TNRC18: variants seen among roughly 807,000 people sequenced by gnomAD.
The protein encoded by TNRC18 is trinucleotide repeat containing 18, also known as trinucleotide repeat-containing gene 18 protein.
A neutral mutation model predicts 226.7 loss-of-function variants in TNRC18; 69 were observed. The observed-to-expected ratio is 0.30, with a 90% CI of 0.25 to 0.37. TNRC18 has a LOEUF of 0.37. Ranked by LOEUF, TNRC18 falls within the 10% of genes least tolerant of loss-of-function variation. TNRC18 has a pLI of 1.00. For missense variants in TNRC18, 4,754 were observed against 4,256.6 expected, an observed-to-expected ratio of 1.12 and a Z score of -3.25; for synonymous variants, 2,449 against 1,927.6, an observed-to-expected ratio of 1.27 and a Z score of -7.09.
intron 2 of TNRC18, among the ~76,000 whole-genome samples, chr7:5,403,582 G>A (rs111616784): frequency 0.011 from 1,642 of 152,098 alleles, 39 homozygotes; most frequent in African/African-American, 0.037. Flanking sequence ...TTTGAGGCCA[G>A]GAGTTCAAGA....
Position 5,361,797 on chromosome 7 carries a change from C to A in TNRC18, c.4533-75G>T, listed in dbSNP as rs1793078456. 2.0e-6 allele frequency: 3 copies of A among 1,531,050 alleles called. No homozygotes were observed. The African/African-American group carries it at 4.2e-5, about 21-fold the overall frequency. The allele number at this position is 1,531,050 out of a possible 1,614,324, so 94.8% of individuals were successfully genotyped here. Reference sequence around the variant, plus strand: ...GCGGAGAACGGGCACACGATGCACACACGGCGCCGGGTCCACGCACACCTC... The same window carrying A: ...GCGGAGAACGGGCACACGATGCACAAACGGCGCCGGGTCCACGCACACCTC... On this transcript the variant is annotated intron_variant, in intron 13 of 29. Transcript: ENST00000430969.
intron 19 of TNRC18, among the ~76,000 whole-genome samples, chr7:5,327,375 G>GTT (rs1292050947): frequency 1.3e-4 from 3 of 22,524 alleles, no homozygotes; most frequent in African/African-American, 4.7e-4. Flanking sequence ...GTTTGTGCGT[G>GTT]TGTGTGTGTG....
In TNRC18 at chr7:5,378,064, C is replaced by T. The variant is rs772217166; in HGVS notation, c.2153-40G>A. On this transcript the variant is annotated intron_variant, in intron 5 of 29. Transcript: ENST00000430969. ...GTGGAAGTGAGCCCCCAGCCAGCAC[C>T]GAGCCCATCCCAGACCCATTGGCCC... The T allele has an allele frequency of 6.3e-5, 99 of 1,568,852 alleles. No individual in the cohort carries two copies. In the East Asian group the frequency reaches 1.4e-3, roughly 22 times the overall value.
intron 17 of TNRC18, among the ~76,000 whole-genome samples, chr7:5,349,678 G>A (rs777200042): frequency 8.5e-5 from 13 of 152,226 alleles, no homozygotes; most frequent in Non-Finnish European, 1.2e-4. Context: ...TTCGCTTTGC[G>A]TCCAGAGTGC....
chr7:5,386,452 C>G (rs1037837489), intron 5 of TNRC18, among the ~76,000 whole-genome samples: 5 of 151,386 alleles, frequency 3.3e-5, no homozygotes, highest in African/African-American at 1.2e-4. Context: ...TGATGCATAC[C>G]TGTAATGCCA....
chr7:5,402,092 C>T (rs977145776), intron 2 of TNRC18, among the ~76,000 whole-genome samples: 7 of 147,608 alleles, frequency 4.7e-5, no homozygotes, highest in African/African-American at 1.0e-4. Flanking sequence ...GGCAGGAGAA[C>T]GGCATGAACC....
chr7:5,316,636 T>C (rs1787880054), intron 24 of TNRC18, among the ~76,000 whole-genome samples: 1 of 152,048 alleles, frequency 6.6e-6, no homozygotes, highest in Admixed American at 6.5e-5. Context: ...CACATGCACC[T>C]GCGCCCGCTC....
chr7:5,322,232 C>G (rs1168047253), intron 21 of TNRC18, among the ~76,000 whole-genome samples: 5 of 151,968 alleles, frequency 3.3e-5, no homozygotes. Context: ...GAGCCGAGAT[C>G]ACGCCACTGC....
intron 2 of TNRC18, chr7:5,419,825 G>A (rs1584139554): frequency 6.6e-6 from 1 of 152,334 alleles, no homozygotes; most frequent in South Asian, 2.1e-4. Context: ...AAAGTTCCAG[G>A]AGAAAAATCA....
chr7:5,389,466 T>TC, intron 4 of TNRC18, 130 bp from the exon 5 acceptor site: 1 of 1,099,464 alleles, frequency 9.1e-7, no homozygotes, highest in Non-Finnish European at 1.1e-6. Flanking sequence ...TTTTGGTTTT[T>TC]TTTTTCAGAA....
In TNRC18 at chr7:5,357,054, G is replaced by C. The variant is rs1208866365; in HGVS notation, c.5056C>G (p.Leu1686Val). ...CCTTCTCTGGAGGATTTCAGAGACA[G>C]GCCGAGGCCCTTGGCCAGCGCCTTC... ...NRKALAKGLGLSLKSSREGKH... is the reference protein window; with the variant it reads ...NRKALAKGLGVSLKSSREGKH... Residue 1686 changes from leucine (L) to valine (V), a missense_variant, in exon 16 of 30, where the codon CTG becomes GTG. Physicochemically the swap from Leu to Val is conservative, Grantham distance 32. Coordinates refer to ENST00000430969, the MANE Select transcript of TNRC18 (RefSeq NM_001080495.3). 6.4e-7 allele frequency: 1 copy of C among 1,552,246 alleles called. No individual in the cohort carries two copies. The highest frequency in any genetic ancestry group is 2.0e-5 in the Admixed American group (1 of 51,004).
chr7:5,352,699 G>C (rs1309705488), intron 16 of TNRC18, among the ~76,000 whole-genome samples: 2 of 152,228 alleles, frequency 1.3e-5, no homozygotes, highest in Non-Finnish European at 2.9e-5. Context: ...GGCTTCCCCA[G>C]AGTCTCCAGC....
At chr7:5,337,742 T>C (rs1035022221) in intron 18 of TNRC18, among the ~76,000 whole-genome samples, 5 of 152,154 alleles carry the variant, frequency 3.3e-5, no homozygotes, top group African/African-American at 1.2e-4. Flanking sequence ...CCCAGCACTT[T>C]AGGAGGCTGA....
At chr7:5,325,014 G>A (rs35258700) in intron 20 of TNRC18, 82 bp downstream of exon 20, 3 of 1,466,314 alleles carry the variant, frequency 2.0e-6, no homozygotes, top group South Asian at 1.3e-5. Flanking sequence ...GAATACAGAG[G>A]AGCAGGTGGA....
At chr7:5,365,677 C>G (rs775082942) in intron 11 of TNRC18, among the ~76,000 whole-genome samples, 4 of 152,100 alleles carry the variant, frequency 2.6e-5, no homozygotes, top group African/African-American at 9.7e-5. Context: ...GGGTCTTAAA[C>G]TCCTGGGCAC....
At chr7:5,334,604 C>T (rs962967156) in intron 18 of TNRC18, among the ~76,000 whole-genome samples, 1 of 152,040 alleles carries the variant, frequency 6.6e-6, no homozygotes, top group African/African-American at 2.4e-5. Flanking sequence ...GCTAACAAGA[C>T]TTTCCAACTT....
intron 15 of TNRC18, among the ~76,000 whole-genome samples, chr7:5,357,937 G>A (rs1187290758): frequency 3.3e-5 from 5 of 152,316 alleles, no homozygotes; most frequent in African/African-American, 7.2e-5. Flanking sequence ...TACACTGATC[G>A]CTGGCCCTGG....
chr7:5,391,187 G>T (rs903382564), intron 3 of TNRC18, among the ~76,000 whole-genome samples: 23 of 151,950 alleles, frequency 1.5e-4, no homozygotes, highest in Admixed American at 1.5e-3. Flanking sequence ...TCAGCTGCTG[G>T]GTCTCCCAGG....
rs189609895 is a variant in TNRC18 at position 5,316,366 on chromosome 7, G to A, written c.6746-294C>T. ...ATGATCTTGGCTCGCCGCAACCTCC[G>A]CCTCCCGGGTTCAAGTGATTCTCCT... On this transcript the variant is annotated intron_variant, in intron 24 of 29. Coordinates refer to ENST00000430969, the MANE Select transcript of TNRC18 (RefSeq NM_001080495.3). 4.3e-4 allele frequency among the ~76,000 whole-genome samples: 57 copies of A among 131,078 alleles called. No homozygotes were observed. The East Asian group carries it at 0.012, about 28-fold the overall frequency. 86.0% of individuals were successfully genotyped at this position (131,078 alleles called of 152,430 possible). A position where few individuals can be genotyped will look rare whatever the true frequency, so the allele number is the denominator to read the frequency against.
Sources: allele counts gnomAD v4.1 joint callset (sites outside exome capture counted in the v4.1 genomes callset), GRCh38; gene constraint gnomAD v4.1.1; transcripts MANE v1.5; gene names NCBI Gene and HGNC (gene_info 2026-07-23, HGNC 2026-07-21).